Variants in ACVR2A observed in about 807,000 individuals in gnomAD.
The protein encoded by ACVR2A is activin receptor type-2A.
A neutral mutation model predicts 61.4 loss-of-function variants in ACVR2A; 7 were observed. That is an observed-to-expected ratio of 0.11 (90% CI 0.06 to 0.21). The LOEUF (loss-of-function observed/expected upper bound fraction) is 0.21. ACVR2A is among the 10% of genes least tolerant of loss of function. ACVR2A has a pLI of 1.00. For synonymous variants in ACVR2A, 193 were observed against 208.3 expected (o/e 0.93, Z 0.63); for missense variants, 322 against 621.7 (o/e 0.52, Z 5.13).
chr2:147,903,269 G>A (rs1019982764), intron 4 of ACVR2A, among the ~76,000 whole-genome samples: 1 of 141,706 alleles, frequency 7.1e-6, no homozygotes, highest in Non-Finnish European at 1.5e-5. Context: ...TTTTTCATAA[G>A]TCCTATATTT....
chr2:147,925,893 A>T, intron 9 of ACVR2A, 138 bp from the exon 10 acceptor site: 1 of 805,122 alleles, frequency 1.2e-6, no homozygotes, highest in Non-Finnish European at 1.9e-6. Context: ...TACAGTTGAG[A>T]GTCTGTTTCT....
chr2:147,896,221 A>G (rs1686729685), intron 1 of ACVR2A, 80 bp from the exon 2 acceptor site: 4 of 1,262,812 alleles, frequency 3.2e-6, no homozygotes, highest in Non-Finnish European at 4.5e-6. Flanking sequence ...CTTTAGGAAT[A>G]CCTAAAGTTG....
At chr2:147,880,613 A>C (rs530570722) in intron 1 of ACVR2A, among the ~76,000 whole-genome samples, 1 of 152,280 alleles carries the variant, frequency 6.6e-6, no homozygotes, top group East Asian at 1.9e-4. Context: ...AGAATTATTG[A>C]AAGATTTGTG....
intron 1 of ACVR2A, among the ~76,000 whole-genome samples, chr2:147,872,141 A>G (rs904906292): frequency 1.3e-5 from 2 of 152,134 alleles, no homozygotes; most frequent in East Asian, 3.9e-4. Context: ...AATTTTAATG[A>G]TTGATAGCTC....
At position 147,917,351 on chromosome 2, in the gene ACVR2A, A is replaced by G. The variant is rs1239153973; in HGVS notation, c.741A>G (p.Leu247=). ...CTGGAATGAAGCATGAGAACATATTACAGTTCATTGGTGCAGAAAAACGAG... is the reference window on the plus strand; with the variant it reads ...CTGGAATGAAGCATGAGAACATATTGCAGTTCATTGGTGCAGAAAAACGAG... ...SLPGMKHENI[L]QFIGAEKRGT... The change falls in exon 6 of 11, where the codon TTA becomes TTG. Residue 247 remains leucine (L), a synonymous_variant. Transcript: ENST00000241416. 1 of 1,612,456 alleles carries G rather than the reference A, an allele frequency of 6.2e-7. No homozygotes were observed. Among genetic ancestry groups the G allele is most frequent in the Non-Finnish European group, 8.5e-7 (1 of 1,178,946 alleles).
intron 4 of ACVR2A, among the ~76,000 whole-genome samples, chr2:147,914,461 A>G (rs1254315897): frequency 2.0e-5 from 3 of 151,922 alleles, no homozygotes; most frequent in Non-Finnish European, 2.9e-5. Context: ...CGTTTCTTTC[A>G]TTTACCATAT....
intron 4 of ACVR2A, among the ~76,000 whole-genome samples, chr2:147,909,545 T>C (rs1320621811): frequency 1.3e-5 from 2 of 152,210 alleles, no homozygotes; most frequent in Admixed American, 6.5e-5. Flanking sequence ...CCTACAGTTA[T>C]AGTATATAAT....
intron 1 of ACVR2A, among the ~76,000 whole-genome samples, chr2:147,881,744 A>G (rs1030900503): frequency 9.9e-5 from 15 of 151,294 alleles, no homozygotes; most frequent in Non-Finnish European, 2.1e-4. Flanking sequence ...TTCTTTTTTC[A>G]TATATCTAAC....
At chr2:147,899,652 T>G (rs1686825710) in intron 3 of ACVR2A, 85 bp downstream of exon 3, 2 of 1,584,720 alleles carry the variant, frequency 1.3e-6, no homozygotes, top group Non-Finnish European at 1.7e-6. Context: ...AATTTGCCCC[T>G]ACCTCTTCCC....
chr2:147,854,675 A>G (rs750021604), intron 1 of ACVR2A, among the ~76,000 whole-genome samples: 35 of 152,308 alleles, frequency 2.3e-4, no homozygotes, highest in Non-Finnish European at 4.3e-4. Flanking sequence ...ACTACATGCT[A>G]GACACTATGG....
upstream of ACVR2A, chr2:147,845,000 GTTTTTTTTTTTTTTT>G (rs368783685): frequency 4.6e-5 from 5 of 109,430 alleles, no homozygotes; most frequent in African/African-American, 6.5e-4. Context: ...CCCAGTGAGC[GTTTTTTTTTTTTTTT>G]TTTTTTTTTT....
At chr2:147,913,824 A>T in intron 4 of ACVR2A, among the ~76,000 whole-genome samples, 2 of 9,860 alleles carry the variant, frequency 2.0e-4, no homozygotes, top group South Asian at 0.037. Context: ...CTTGTAGACA[A>T]AAAAAAAAAA....
intron 1 of ACVR2A, among the ~76,000 whole-genome samples, chr2:147,886,642 GAGTA>G (rs1686440265): frequency 3.9e-5 from 6 of 152,274 alleles, no homozygotes; most frequent in Admixed American, 2.0e-4. Flanking sequence ...CTGTTTCAAA[GAGTA>G]GAGGGAAATC....
chr2:147,922,858 G>A, intron 8 of ACVR2A, 115 bp from the exon 9 acceptor site: 1 of 1,006,844 alleles, frequency 9.9e-7, no homozygotes, highest in Non-Finnish European at 1.5e-6. Context: ...ACGCTATAGT[G>A]TGTATACCTT....
Position 147,865,766 on chromosome 2 carries a change from A to G in ACVR2A, c.55+20559A>G, listed in dbSNP as rs150039956. Among the ~76,000 whole-genome samples, 877 of 152,334 alleles carry G rather than the reference A, an allele frequency of 5.8e-3. 6 individuals carry two copies. The highest frequency in any genetic ancestry group is 0.02 in the African/African-American group (827 of 41,586). Reference sequence around the variant, plus strand: ...TGGGAGAAGAGATGAATAAGACACAATCTTTACCCTAGGGGATTCATAGCC... The same window carrying G: ...TGGGAGAAGAGATGAATAAGACACAGTCTTTACCCTAGGGGATTCATAGCC... On this transcript the variant is annotated intron_variant, in intron 1 of 10. Coordinates refer to ENST00000241416, the MANE Select transcript of ACVR2A (RefSeq NM_001616.5).
rs544775606 is a variant in ACVR2A at position 147,928,182 on chromosome 2, G to A, written c.*908G>A. The A allele has an allele frequency of 2.6e-5, 4 of 152,214 alleles. No individual in the cohort carries two copies. Among genetic ancestry groups the A allele is most frequent in the Non-Finnish European group, 5.9e-5 (4 of 67,912 alleles). The allele number at this position is 152,214 out of a possible 1,614,324, so 9.4% of individuals were successfully genotyped here. A position where few individuals can be genotyped will look rare whatever the true frequency, so the allele number is the denominator to read the frequency against. On this transcript the variant is annotated 3_prime_UTR_variant, in exon 11 of 11. Transcript: ENST00000241416. ...CCTAAGTATTTTTTTTAGGTGTGCT[G>A]TGTTTGGGGAATATTTGAAAATTTA...
intron 1 of ACVR2A, among the ~76,000 whole-genome samples, chr2:147,853,192 A>G (rs1219447768): frequency 6.6e-6 from 1 of 152,162 alleles, no homozygotes; most frequent in Non-Finnish European, 1.5e-5. Context: ...GATGATAAGC[A>G]TGAATAGAAA....
intron 1 of ACVR2A, among the ~76,000 whole-genome samples, chr2:147,859,658 G>A (rs1436643552): frequency 6.6e-6 from 1 of 152,048 alleles, no homozygotes; most frequent in African/African-American, 2.4e-5. Flanking sequence ...CCAAGGGTTT[G>A]GGGTACTGAT....
intron 1 of ACVR2A, among the ~76,000 whole-genome samples, chr2:147,853,832 TATATGTG>T (rs897512636): frequency 3.3e-5 from 5 of 152,132 alleles, no homozygotes; most frequent in African/African-American, 1.2e-4. Flanking sequence ...TCTTCATAAC[TATATGTG>T]ATATATCAAG....
Sources: allele counts gnomAD v4.1 joint callset (sites outside exome capture counted in the v4.1 genomes callset), GRCh38; gene constraint gnomAD v4.1.1; transcripts MANE v1.5; gene names NCBI Gene and HGNC (gene_info 2026-07-23, HGNC 2026-07-21).